Variants in ZNF468 observed in about 807,000 individuals in gnomAD.
ZNF468 encodes zinc finger protein ZNF468.
ZNF468 carries 8 observed loss-of-function variants against 7.2 expected under a neutral mutation model. The ratio of observed to expected loss-of-function variants is 1.11; its 90% CI spans 0.65 to 2.01. The LOEUF is 2.01. Among genes scored for constraint, ZNF468 ranks in the 30% most tolerant of loss-of-function variants. ZNF468 has a pLI of 0.00. For missense variants in ZNF468, 608 were observed against 626.5 expected (o/e 0.97, Z 0.31); for synonymous variants, 218 against 214.4 (o/e 1.02, Z -0.15).
chr19:52,849,373 T>C, intron 2 of ZNF468, 160 bp from the exon 3 acceptor site: 2 of 1,394,772 alleles, frequency 1.4e-6, no homozygotes, highest in African/African-American at 1.4e-5. Context: ...TCCCCAGATG[T>C]ATTTTATTAC....
chr19:52,852,919 ATC>A (rs1179325470), intron 2 of ZNF468, among the ~76,000 whole-genome samples: 1 of 151,282 alleles, frequency 6.6e-6, no homozygotes, highest in Admixed American at 6.6e-5. Flanking sequence ...CAGTGGTGCA[ATC>A]TCAGCTCACT....
Position 52,842,113 on chromosome 19 carries a change from T to G in ZNF468, c.181A>C (p.Thr61Pro), listed in dbSNP as rs1488492136. 6.3e-7 allele frequency: 1 copy of G among 1,598,044 alleles called. No homozygotes were observed. Among genetic ancestry groups the G allele is most frequent in the East Asian group, 2.2e-5 (1 of 44,694 alleles). Reference sequence around the variant, plus strand: ...ATCACTTCTGTATTGCCTTGCCCTGTTGACGACAACGTCTTCAACATGCAT... The same window carrying G: ...ATCACTTCTGTATTGCCTTGCCCTGGTGACGACAACGTCTTCAACATGCAT... ...SKCMLKTLSS[T>P]GQGNTEVIHT... The change falls in exon 4 of 4, where the codon ACA becomes CCA. Residue 61 changes from threonine to proline, a missense_variant. Coordinates refer to ENST00000595646, the MANE Select transcript of ZNF468 (RefSeq NM_001008801.2).
intron 2 of ZNF468, among the ~76,000 whole-genome samples, chr19:52,852,074 T>TA (rs2063394777): frequency 6.6e-6 from 1 of 151,640 alleles, no homozygotes; most frequent in Admixed American, 6.6e-5. Flanking sequence ...GCAGAAAAAA[T>TA]AACTATCGGG....
chr19:52,856,787 T>C (rs1215885094), intron 1 of ZNF468, among the ~76,000 whole-genome samples: 1 of 151,850 alleles, frequency 6.6e-6, no homozygotes, highest in Non-Finnish European at 1.5e-5. Context: ...TCACTTTTGC[T>C]GTCTCTTGGC....
At chr19:52,847,334 A>G (rs148194586) in intron 3 of ZNF468, among the ~76,000 whole-genome samples, 1,669 of 151,742 alleles carry the variant, frequency 0.011, 35 homozygotes, top group African/African-American at 0.038. Flanking sequence ...CCAGGGACAC[A>G]ATGCACTGCG....
chr19:52,852,620 G>A (rs551268706), intron 2 of ZNF468, among the ~76,000 whole-genome samples: 1 of 151,048 alleles, frequency 6.6e-6, no homozygotes, highest in East Asian at 2.0e-4. Context: ...ATGTTGCAGT[G>A]AGCCGAGATC....
chr19:52,856,855 T>C (rs2147750422), intron 1 of ZNF468, among the ~76,000 whole-genome samples: 1 of 152,238 alleles, frequency 6.6e-6, no homozygotes. Context: ...CATTCTTCTT[T>C]TCTCTGTCTC....
rs1600508590 is a variant in ZNF468, at chr19:52,840,888, C to T, written c.1406G>A (p.Cys469Tyr). The T allele has an allele frequency of 1.2e-6, 2 of 1,613,966 alleles. No homozygotes were observed. Among genetic ancestry groups the T allele is most frequent in the Non-Finnish European group, 1.7e-6 (2 of 1,179,976 alleles). ...ACCGAAGGTCTTGCCACACTCATTA[C>T]ACTTGTAAGGTTTCTCTCCAGTATG... is the stretch of plus-strand genomic sequence containing the variant. ...RVHTGEKPYKCNECGKTFGQT... is the reference protein window; with the variant it reads ...RVHTGEKPYKYNECGKTFGQT... Residue 469 changes from cysteine (C) to tyrosine (Y), a missense_variant, in exon 4 of 4, where the codon TGT (cysteine) becomes TAT (tyrosine). Coordinates refer to ENST00000595646, the MANE Select transcript of ZNF468 (RefSeq NM_001008801.2).
intron 2 of ZNF468, among the ~76,000 whole-genome samples, chr19:52,852,917 C>A (rs2063402398): frequency 6.6e-6 from 1 of 151,188 alleles, no homozygotes; most frequent in African/African-American, 2.4e-5. Flanking sequence ...TGCAGTGGTG[C>A]AATCTCAGCT....
intron 2 of ZNF468, chr19:52,849,451 TAAAC>T (rs1007657645): frequency 1.1e-5 from 9 of 817,788 alleles, no homozygotes; most frequent in African/African-American, 1.1e-4. Context: ...ATAACAGAAA[TAAAC>T]AAATAAAAAA....
chr19:52,856,450 CAT>C (rs2063439615), intron 1 of ZNF468, among the ~76,000 whole-genome samples: 1 of 144,554 alleles, frequency 6.9e-6, no homozygotes, highest in Admixed American at 7.2e-5. Flanking sequence ...CCTCAATCTC[CAT>C]AGATTTCTGC....
At chr19:52,851,706 A>G (rs1182080212) in intron 2 of ZNF468, among the ~76,000 whole-genome samples, 1 of 152,164 alleles carries the variant, frequency 6.6e-6, no homozygotes, top group Non-Finnish European at 1.5e-5. Context: ...ACGCCACTGC[A>G]CTCCAGCCTG....
At chr19:52,857,221 A>G (rs918271269) in intron 1 of ZNF468, among the ~76,000 whole-genome samples, 2 of 151,892 alleles carry the variant, frequency 1.3e-5, no homozygotes, top group African/African-American at 4.8e-5. Flanking sequence ...TGCTCCAGGA[A>G]CCCAGGAGAG....
At position 52,840,903 on chromosome 19, in the gene ZNF468, T is replaced by A; in HGVS notation, c.1391A>T (p.Glu464Val). 6.2e-7 allele frequency: 1 copy of A among 1,614,040 alleles called. No homozygotes were observed. The highest frequency in any genetic ancestry group is 1.1e-5 in the South Asian group (1 of 91,062). The change falls in exon 4 of 4, where the codon GAG (glutamate) becomes GTG (valine). Residue 464 changes from glutamate to valine, a missense_variant. By Grantham distance (121) the Glu-to-Val change is moderately radical. Transcript: ENST00000595646. ...LAQHQRVHTG[E>V]KPYKCNECGK... ...ACACTCATTACACTTGTAAGGTTTC[T>A]CTCCAGTATGAACTCTCTGATGTTG...
intron 3 of ZNF468, among the ~76,000 whole-genome samples, chr19:52,848,544 C>A (rs990254569): frequency 9.2e-5 from 14 of 152,020 alleles, no homozygotes; most frequent in African/African-American, 3.4e-4. Context: ...TTAAAGTCTG[C>A]CATAAGGTTT....
At position 52,840,538 on chromosome 19, in the gene ZNF468, T is replaced by C. The variant is rs1007875509; in HGVS notation, c.*187A>G. On this transcript the variant is annotated 3_prime_UTR_variant, in exon 4 of 4. Transcript: ENST00000595646. ...AGGTTTGATTTACAACTGAAAACTTTTGTCACATTCCTCCCATTTGTAAGG... is the reference window on the plus strand; with the variant it reads ...AGGTTTGATTTACAACTGAAAACTTCTGTCACATTCCTCCCATTTGTAAGG... The C allele has an allele frequency of 2.6e-5, 32 of 1,209,120 alleles. 2 individuals carry two copies. The South Asian group carries it at 3.6e-4, about 14-fold the overall frequency. The allele number at this position is 1,209,120 out of a possible 1,614,324, so 74.9% of individuals were successfully genotyped here.
In ZNF468 at chr19:52,839,569, C is replaced by G; in HGVS notation, c.*1156G>C. 1 of 528,886 alleles carries G rather than the reference C, an allele frequency of 1.9e-6. No individual in the cohort carries two copies. Among genetic ancestry groups the G allele is most frequent in the Non-Finnish European group, 3.8e-6 (1 of 261,172 alleles). The allele number at this position is 528,886 out of a possible 1,614,324, so 32.8% of individuals were successfully genotyped here. On this transcript the variant is annotated 3_prime_UTR_variant, in exon 4 of 4. Coordinates refer to ENST00000595646, the MANE Select transcript of ZNF468 (RefSeq NM_001008801.2). ...TCTCCAAAAGGAATTGTCTGATGGT[C>G]TGCAAGGAGTGACCTTGGACTGAAG...
rs1208647253 is a variant in ZNF468 at position 52,841,245 on chromosome 19, G to C, written c.1049C>G (p.Thr350Ser). The C allele has an allele frequency of 6.2e-7, 1 of 1,613,722 alleles. No individual in the cohort carries two copies. The highest frequency in any genetic ancestry group is 8.5e-7 in the Non-Finnish European group (1 of 1,179,962). ...ATTACATGTGTAAGGTTTCTCTCCA[G>C]TGTGAAGTATAGTATGTTTTGCCAG... ...SYLAKHTILH[T>S]GEKPYTCNEC... The change falls in exon 4 of 4, where the codon ACT (threonine) becomes AGT (serine). Residue 350 changes from threonine (T) to serine (S), a missense_variant. By Grantham distance (58) the Thr-to-Ser change is moderately conservative. Transcript: ENST00000595646.
intron 1 of ZNF468, among the ~76,000 whole-genome samples, chr19:52,855,462 C>T (rs1414249870): frequency 6.6e-6 from 1 of 152,208 alleles, no homozygotes; most frequent in Admixed American, 6.5e-5. Flanking sequence ...GGGTAAGCTC[C>T]CAGGAGGAGG....
Sources: gnomAD v4.1 joint callset for allele counts (sites outside exome capture counted in the v4.1 genomes callset) on GRCh38, gnomAD v4.1.1 for gene constraint, MANE v1.5 for transcripts, NCBI Gene and HGNC (gene_info 2026-07-23, HGNC 2026-07-21) for gene names.